SLC44A5: variants seen among roughly 807,000 people sequenced by gnomAD.
SLC44A5 encodes the protein choline transporter-like protein 5.
In SLC44A5, 57 loss-of-function variants were observed where a neutral mutation model predicts 101.8. That is an observed-to-expected ratio of 0.56 (90% confidence interval 0.45 to 0.70). The LOEUF (loss-of-function observed/expected upper bound fraction) is 0.70. Among genes scored for constraint, SLC44A5 ranks in the 30% least tolerant of loss-of-function variants. The pLI is 0.00. For synonymous variants in SLC44A5, 281 were observed against 290.9 expected, an observed-to-expected ratio of 0.97 and a Z score of 0.35; for missense variants, 737 against 853.1, an observed-to-expected ratio of 0.86 and a Z score of 1.70.
intron 2 of SLC44A5, among the ~76,000 whole-genome samples, chr1:75,518,753 G>A (rs914770703): frequency 1.3e-5 from 2 of 152,112 alleles, no homozygotes; most frequent in African/African-American, 4.8e-5. Context: ...CAGTCCCAAA[G>A]AGCACATATT....
chr1:75,482,027 C>T (rs1667888806), intron 2 of SLC44A5, among the ~76,000 whole-genome samples: 1 of 152,032 alleles, frequency 6.6e-6, no homozygotes, highest in Non-Finnish European at 1.5e-5. Flanking sequence ...ACCCAAATGT[C>T]CAACAATGAT....
intron 1 of SLC44A5, among the ~76,000 whole-genome samples, chr1:75,599,799 GATCA>G (rs1208709364): frequency 6.6e-6 from 1 of 152,110 alleles, no homozygotes; most frequent in Non-Finnish European, 1.5e-5. Context: ...AGTGTGGTCG[GATCA>G]TTAAGAATTA....
intron 2 of SLC44A5, among the ~76,000 whole-genome samples, chr1:75,480,742 T>C (rs949432324): frequency 6.6e-6 from 1 of 151,824 alleles, no homozygotes. Flanking sequence ...CACTGCTCAA[T>C]GAAATAAAAG....
chr1:75,293,092 G>T (rs1267600198), intron 5 of SLC44A5, among the ~76,000 whole-genome samples: 1 of 152,208 alleles, frequency 6.6e-6, no homozygotes, highest in South Asian at 2.1e-4. Flanking sequence ...AAAGAGAAGA[G>T]AGAAGAGAAA....
chr1:75,269,070 C>T (rs920187638), intron 6 of SLC44A5, among the ~76,000 whole-genome samples: 46 of 151,894 alleles, frequency 3.0e-4, no homozygotes, highest in African/African-American at 4.1e-4. Flanking sequence ...GAAAATGAGG[C>T]GATTTTTTCT....
intron 2 of SLC44A5, among the ~76,000 whole-genome samples, chr1:75,490,480 T>C (rs57333563): frequency 0.017 from 2,613 of 152,262 alleles, 68 homozygotes; most frequent in African/African-American, 0.059. Flanking sequence ...GGTCTCTCTA[T>C]AGAAGAAATA....
chr1:75,462,767 T>A (rs1444473831), intron 2 of SLC44A5, among the ~76,000 whole-genome samples: 2 of 151,992 alleles, frequency 1.3e-5, no homozygotes, highest in Non-Finnish European at 2.9e-5. Context: ...TCACAGTCTT[T>A]TAATAACAGA....
chr1:75,349,240 G>A (rs1363769408), intron 3 of SLC44A5, among the ~76,000 whole-genome samples: 3 of 152,102 alleles, frequency 2.0e-5, no homozygotes, highest in East Asian at 1.9e-4. Context: ...TTGGGAGGCC[G>A]AGGCAGGAGG....
At chr1:75,531,526 G>T (rs993729490) in intron 2 of SLC44A5, among the ~76,000 whole-genome samples, 1 of 152,152 alleles carries the variant, frequency 6.6e-6, no homozygotes, top group African/African-American at 2.4e-5. Flanking sequence ...AGTCACTGGG[G>T]ATCTTGTAAA....
chr1:75,562,272 T>C (rs759497721), intron 1 of SLC44A5, among the ~76,000 whole-genome samples: 4 of 152,174 alleles, frequency 2.6e-5, no homozygotes, highest in Admixed American at 2.6e-4. Context: ...CACTCCTCTA[T>C]GGAAAATGTT....
intron 1 of SLC44A5, among the ~76,000 whole-genome samples, chr1:75,586,868 A>G (rs1012831809): frequency 3.4e-4 from 51 of 151,654 alleles, no homozygotes; most frequent in African/African-American, 1.2e-3. Context: ...GAAATAGAGT[A>G]AATTACTCCA....
intron 5 of SLC44A5, among the ~76,000 whole-genome samples, chr1:75,290,770 G>A (rs1454148506): frequency 6.6e-6 from 1 of 152,134 alleles, no homozygotes; most frequent in Non-Finnish European, 1.5e-5. Context: ...AAAACGCCCA[G>A]CCCATATTCT....
chr1:75,675,909 A>G, the SLC44A5 span, among the ~76,000 whole-genome samples: 3 of 152,246 alleles, frequency 2.0e-5, no homozygotes, highest in Non-Finnish European at 4.4e-5. Flanking sequence ...GATGCTTTTC[A>G]AAACAAGACA....
intron 4 of SLC44A5, among the ~76,000 whole-genome samples, chr1:75,318,870 C>T (rs1289727867): frequency 6.6e-6 from 1 of 152,168 alleles, no homozygotes; most frequent in Non-Finnish European, 1.5e-5. Flanking sequence ...GCTTCCTGTC[C>T]TTCAACACCA....
the SLC44A5 span, among the ~76,000 whole-genome samples, chr1:75,671,921 T>C: frequency 0.27 from 40,362 of 152,040 alleles, 5,581 homozygotes; most frequent in Non-Finnish European, 0.3. Flanking sequence ...CTAATATGCG[T>C]TAATGGAAGA....
chr1:75,430,334 C>A (rs992900048), intron 2 of SLC44A5, among the ~76,000 whole-genome samples: 1 of 152,112 alleles, frequency 6.6e-6, no homozygotes, highest in Non-Finnish European at 1.5e-5. Context: ...AGATACAGAA[C>A]CTGCTCATTC....
chr1:75,677,080 T>C, the SLC44A5 span, among the ~76,000 whole-genome samples: 1 of 151,980 alleles, frequency 6.6e-6, no homozygotes, highest in Non-Finnish European at 1.5e-5. Flanking sequence ...CAACACCAGA[T>C]CTCTCCTAAA....
At chr1:75,488,997 C>T (rs1408408692) in intron 2 of SLC44A5, among the ~76,000 whole-genome samples, 1 of 152,062 alleles carries the variant, frequency 6.6e-6, no homozygotes, top group Non-Finnish European at 1.5e-5. Flanking sequence ...TACAGGCATA[C>T]ACCACCATGC....
intron 2 of SLC44A5, among the ~76,000 whole-genome samples, chr1:75,431,956 A>C (rs569979060): frequency 6.6e-6 from 1 of 152,260 alleles, no homozygotes; most frequent in Non-Finnish European, 1.5e-5. Flanking sequence ...ATTTTAGTGC[A>C]TTCTTCAGTT....
Sources: gnomAD v4.1 joint callset for allele counts (sites outside exome capture counted in the v4.1 genomes callset) on GRCh38, gnomAD v4.1.1 for gene constraint, MANE v1.5 for transcripts, NCBI Gene and HGNC (gene_info 2026-07-23, HGNC 2026-07-21) for gene names.